Variants in CDH12 observed in about 807,000 individuals in gnomAD.
The protein encoded by CDH12 is cadherin-12.
A neutral mutation model predicts 74.1 loss-of-function variants in CDH12; 41 were observed. The observed-to-expected ratio is 0.55, with a 90% CI of 0.43 to 0.72. CDH12 has a LOEUF of 0.72. Ranked by LOEUF, CDH12 falls within the 30% of genes least tolerant of loss-of-function variation. The pLI is 0.00. For synonymous variants in CDH12, 399 were observed against 355.0 expected, an observed-to-expected ratio of 1.12 and a Z score of -1.39; for missense variants, 945 against 977.2, an observed-to-expected ratio of 0.97 and a Z score of 0.44.
At chr5:21,885,759 A>G (rs1321052982) in intron 6 of CDH12, among the ~76,000 whole-genome samples, 2 of 152,138 alleles carry the variant, frequency 1.3e-5, no homozygotes, top group African/African-American at 4.8e-5. Flanking sequence ...TGTCTCTACT[A>G]TATCATCAGT....
At chr5:22,655,752 G>A (rs144631473) in intron 1 of CDH12, among the ~76,000 whole-genome samples, 3 of 152,042 alleles carry the variant, frequency 2.0e-5, no homozygotes, top group East Asian at 1.9e-4. Context: ...TTATGCTGTC[G>A]CATCTCTCAC....
intron 1 of CDH12, among the ~76,000 whole-genome samples, chr5:22,583,465 T>G (rs72637705): frequency 0.06 from 9,159 of 152,272 alleles, 414 homozygotes; most frequent in East Asian, 0.24. Context: ...ATTGACCACA[T>G]GCCTAGGTAA....
At chr5:22,638,390 T>C (rs1353309184) in intron 1 of CDH12, among the ~76,000 whole-genome samples, 1 of 151,652 alleles carries the variant, frequency 6.6e-6, no homozygotes, top group African/African-American at 2.4e-5. Flanking sequence ...GCTGAAAAAC[T>C]TGGAGTCTGA....
At chr5:22,638,072 G>C (rs972533457) in intron 1 of CDH12, among the ~76,000 whole-genome samples, 1 of 152,138 alleles carries the variant, frequency 6.6e-6, no homozygotes. Flanking sequence ...GTTCTGGATT[G>C]AGAACAGCCA....
chr5:22,672,097 ATATAT>A (rs998118500), intron 1 of CDH12, among the ~76,000 whole-genome samples: 12 of 78,158 alleles, frequency 1.5e-4, no homozygotes. Context: ...ATTATATATA[ATATAT>A]TATTATATAT....
At chr5:21,864,114 T>C (rs2150010999) in intron 6 of CDH12, among the ~76,000 whole-genome samples, 1 of 148,540 alleles carries the variant, frequency 6.7e-6, no homozygotes, top group Admixed American at 6.8e-5. Context: ...CAGAGAAATG[T>C]AAAACAGAAA....
At chr5:22,402,643 G>A (rs1254499202) in intron 3 of CDH12, among the ~76,000 whole-genome samples, 1 of 152,196 alleles carries the variant, frequency 6.6e-6, no homozygotes, top group Non-Finnish European at 1.5e-5. Flanking sequence ...ACTTGATGAT[G>A]TGGAAGATTC....
At chr5:22,256,277 T>C (rs772141954) in intron 3 of CDH12, among the ~76,000 whole-genome samples, 3 of 152,124 alleles carry the variant, frequency 2.0e-5, no homozygotes, top group Non-Finnish European at 4.4e-5. Context: ...AATGACAGCA[T>C]GTACAATGGT....
intron 1 of CDH12, among the ~76,000 whole-genome samples, chr5:22,657,173 G>C (rs1017276210): frequency 6.6e-6 from 1 of 152,262 alleles, no homozygotes; most frequent in East Asian, 1.9e-4. Context: ...ATGTTCTCAG[G>C]ATTCTATTTA....
chr5:22,273,058 C>T (rs1736471743), intron 3 of CDH12, among the ~76,000 whole-genome samples: 1 of 152,144 alleles, frequency 6.6e-6, no homozygotes, highest in Admixed American at 6.6e-5. Context: ...AGAACCACCT[C>T]CATGATCTAA....
At chr5:22,349,390 T>C (rs1330082405) in intron 3 of CDH12, among the ~76,000 whole-genome samples, 2 of 152,196 alleles carry the variant, frequency 1.3e-5, no homozygotes, top group Non-Finnish European at 2.9e-5. Flanking sequence ...AACCTGAAAT[T>C]ATAATTTCTC....
At chr5:21,847,224 G>A (rs1457603706) in intron 7 of CDH12, among the ~76,000 whole-genome samples, 1 of 152,038 alleles carries the variant, frequency 6.6e-6, no homozygotes, top group Non-Finnish European at 1.5e-5. Context: ...GTCTTCCCCA[G>A]CCAGAAATGT....
At chr5:22,408,190 T>C (rs961339214) in intron 2 of CDH12, among the ~76,000 whole-genome samples, 2 of 144,186 alleles carry the variant, frequency 1.4e-5, no homozygotes, top group African/African-American at 5.9e-5. Context: ...TTTTCCACTT[T>C]TATCTCTGTT....
chr5:22,774,381 C>T (rs1746977791), intron 1 of CDH12, among the ~76,000 whole-genome samples: 1 of 152,030 alleles, frequency 6.6e-6, no homozygotes, highest in African/African-American at 2.4e-5. Context: ...GAACAGAAAA[C>T]CAAATACCAC....
intron 9 of CDH12, 113 bp from the exon 10 acceptor site, chr5:21,802,533 A>T: frequency 1.2e-6 from 1 of 864,592 alleles, no homozygotes; most frequent in Non-Finnish European, 1.8e-6. Context: ...CTGGTTTAAA[A>T]TTTTCATTTT....
chr5:22,711,796 A>C (rs1743301585), intron 1 of CDH12, among the ~76,000 whole-genome samples: 1 of 152,108 alleles, frequency 6.6e-6, no homozygotes, highest in Non-Finnish European at 1.5e-5. Context: ...TTTTCAAAAA[A>C]CACTTGAACT....
intron 1 of CDH12, among the ~76,000 whole-genome samples, chr5:22,529,175 A>ATATATATATATACACATGTG (rs1737448681): frequency 1.3e-5 from 1 of 79,352 alleles, no homozygotes; most frequent in African/African-American, 4.7e-5. Flanking sequence ...GTATATATAT[A>ATATATATATATACACATGTG]TATATATATA....
At position 21,925,896 on chromosome 5, in the gene CDH12, T is replaced by C. The variant is rs144266501; in HGVS notation, c.526+49195A>G. On this transcript the variant is annotated intron_variant, in intron 6 of 14. Coordinates refer to ENST00000382254, the MANE Select transcript of CDH12 (RefSeq NM_004061.5). ...TGTTATATCCTACTGACTTTCTATT[T>C]AATTTTCTTGGATATGAATTATGAC... is the stretch of plus-strand genomic sequence containing the variant. 3.2e-3 allele frequency among the ~76,000 whole-genome samples: 488 copies of C among 152,206 alleles called. 1 individual carries two copies. The highest frequency in any genetic ancestry group is 0.011 in the African/African-American group (458 of 41,530).
At chr5:21,936,203 C>T (rs1755068116) in intron 6 of CDH12, among the ~76,000 whole-genome samples, 1 of 152,092 alleles carries the variant, frequency 6.6e-6, no homozygotes. Context: ...ATGTACATTC[C>T]CACTGACAGT....
Sources: allele counts gnomAD v4.1 joint callset (sites outside exome capture counted in the v4.1 genomes callset), GRCh38; gene constraint gnomAD v4.1.1; transcripts MANE v1.5; gene names NCBI Gene and HGNC (gene_info 2026-07-23, HGNC 2026-07-21).